Variants in ATP8B4 observed in about 807,000 individuals in gnomAD.
ATP8B4 encodes probable phospholipid-transporting ATPase IM.
In ATP8B4, 133 loss-of-function variants were observed where a neutral mutation model predicts 145.6. The observed-to-expected ratio is 0.91, with a 90% confidence interval of 0.79 to 1.05. ATP8B4 has a LOEUF of 1.05. ATP8B4 is among the 50% of genes least tolerant of loss of function. The pLI is 0.00. For missense variants in ATP8B4, 1,458 were observed against 1,425.2 expected (o/e 1.02, Z -0.37); for synonymous variants, 507 against 492.9 (o/e 1.03, Z -0.38).
At chr15:50,038,638 A>G in intron 6 of ATP8B4, 130 bp downstream of exon 6, 1 of 694,796 alleles carries the variant, frequency 1.4e-6, no homozygotes, top group Non-Finnish European at 2.4e-6. Context: ...ATGGAATTAA[A>G]GTTCAATTTT....
At chr15:49,950,627 AC>A (rs146330475) in intron 14 of ATP8B4, among the ~76,000 whole-genome samples, 30,533 of 137,196 alleles carry the variant, frequency 0.22, 4,385 homozygotes, top group Non-Finnish European at 0.31. Context: ...AACAAAAAAA[AC>A]AACAACAACA....
At chr15:49,972,527 G>C (rs1416939158) in intron 13 of ATP8B4, 55 bp downstream of exon 13, 3 of 1,542,450 alleles carry the variant, frequency 1.9e-6, no homozygotes, top group South Asian at 2.4e-5. Context: ...AATGGGGTCA[G>C]TTATTCAAGA....
At chr15:49,907,100 A>G (rs2038705982) in intron 20 of ATP8B4, among the ~76,000 whole-genome samples, 1 of 152,140 alleles carries the variant, frequency 6.6e-6, no homozygotes, top group African/African-American at 2.4e-5. Flanking sequence ...GCCAACAACA[A>G]CCCTAAGAGA....
chr15:49,945,725 C>T (rs910956770), intron 14 of ATP8B4, among the ~76,000 whole-genome samples: 1 of 152,050 alleles, frequency 6.6e-6, no homozygotes, highest in Non-Finnish European at 1.5e-5. Flanking sequence ...ACCACATTAA[C>T]AGAACAAAGA....
intron 3 of ATP8B4, among the ~76,000 whole-genome samples, chr15:50,070,729 TTGTGTTTTG>T (rs1291377266): frequency 6.6e-6 from 1 of 152,050 alleles, no homozygotes; most frequent in Non-Finnish European, 1.5e-5. Context: ...GTTTTTTGTG[TTGTGTTTTG>T]TTTTGTTTTG....
intron 2 of ATP8B4, among the ~76,000 whole-genome samples, chr15:50,099,357 G>A (rs1413830681): frequency 6.6e-6 from 1 of 151,994 alleles, no homozygotes; most frequent in East Asian, 1.9e-4. Context: ...AGAGCTCACT[G>A]AAGCCTCAAT....
At chr15:50,018,203 G>A (rs2049248254) in intron 6 of ATP8B4, among the ~76,000 whole-genome samples, 3 of 152,088 alleles carry the variant, frequency 2.0e-5, no homozygotes, top group Admixed American at 1.3e-4. Context: ...GGCCAGGCTG[G>A]TCTTGAACTC....
At chr15:50,098,816 G>A (rs924651195) in intron 2 of ATP8B4, among the ~76,000 whole-genome samples, 4 of 152,002 alleles carry the variant, frequency 2.6e-5, no homozygotes, top group Non-Finnish European at 5.9e-5. Context: ...AGAGTGCCTA[G>A]GGCCCATGAT....
chr15:50,096,699 C>G (rs1032357333), intron 2 of ATP8B4, among the ~76,000 whole-genome samples: 1 of 152,164 alleles, frequency 6.6e-6, no homozygotes, highest in Admixed American at 6.6e-5. Context: ...ATATTTATAA[C>G]AAGCAGCAAA....
At chr15:49,940,396 G>A (rs1295068118) in intron 14 of ATP8B4, among the ~76,000 whole-genome samples, 1 of 152,150 alleles carries the variant, frequency 6.6e-6, no homozygotes, top group Non-Finnish European at 1.5e-5. Flanking sequence ...GACTGCTACA[G>A]CAGGGAGGTA....
At chr15:49,861,737 G>A (rs1488114733) in intron 27 of ATP8B4, among the ~76,000 whole-genome samples, 2 of 152,042 alleles carry the variant, frequency 1.3e-5, no homozygotes, top group African/African-American at 4.8e-5. Context: ...TTCCTTCCAA[G>A]TGTACTAATC....
At chr15:49,917,223 GAT>G in intron 19 of ATP8B4, 184 bp from the exon 20 acceptor site, 1 of 545,218 alleles carries the variant, frequency 1.8e-6, no homozygotes, top group East Asian at 3.0e-5. Context: ...TGGGTTTCAG[GAT>G]CAAATTCCCT....
chr15:50,104,532 T>C (rs1005303155), intron 2 of ATP8B4, among the ~76,000 whole-genome samples: 4 of 152,206 alleles, frequency 2.6e-5, no homozygotes, highest in Non-Finnish European at 5.9e-5. Context: ...CACAATGTGA[T>C]ACCACCTCCC....
At chr15:50,169,756 C>T (rs2044644629) in intron 1 of ATP8B4, among the ~76,000 whole-genome samples, 1 of 151,824 alleles carries the variant, frequency 6.6e-6, no homozygotes, top group Non-Finnish European at 1.5e-5. Context: ...AAAGACAAAG[C>T]CCAATGCATG....
At chr15:50,128,974 A>C (rs904416603) in intron 1 of ATP8B4, among the ~76,000 whole-genome samples, 6 of 152,214 alleles carry the variant, frequency 3.9e-5, no homozygotes, top group African/African-American at 1.2e-4. Context: ...AGGCTGAGGC[A>C]GAAGAATCAC....
chr15:50,093,889 A>G (rs1297334905), intron 2 of ATP8B4, among the ~76,000 whole-genome samples: 1 of 152,202 alleles, frequency 6.6e-6, no homozygotes, highest in African/African-American at 2.4e-5. Flanking sequence ...ACTGCTAGAG[A>G]TAGAGTCATC....
At chr15:50,142,513 T>C (rs1363714583) in intron 1 of ATP8B4, among the ~76,000 whole-genome samples, 1 of 152,160 alleles carries the variant, frequency 6.6e-6, no homozygotes, top group African/African-American at 2.4e-5. Flanking sequence ...GGATCTGTTT[T>C]GTATTTTAAT....
At position 50,149,981 on chromosome 15, in the gene ATP8B4, A is replaced by C. The variant is rs1394058039; in HGVS notation, c.-43+32280T>G. ...CCAGGTGTGGTGGAGGGTGCCTGTA[A>C]TCCCAGCTACTCAGGAGGCTGAGGC... On this transcript the variant is annotated intron_variant, in intron 1 of 3. Transcript: ENST00000558829. 3.3e-5 allele frequency among the ~76,000 whole-genome samples: 5 copies of C among 152,022 alleles called. No individual in the cohort carries two copies. The South Asian group carries it at 8.3e-4, about 25-fold the overall frequency.
At position 50,094,727 on chromosome 15, in the gene ATP8B4, T is replaced by C. The variant is rs76977426; in HGVS notation, c.28+12212A>G. 5.3e-3 allele frequency among the ~76,000 whole-genome samples: 618 copies of C among 116,232 alleles called. 3 individuals are homozygous for C. The highest frequency in any genetic ancestry group is 8.3e-3 in the Non-Finnish European group (424 of 51,218). The allele number at this position is 116,232 out of a possible 152,430, so 76.3% of individuals were successfully genotyped here. A position where few individuals can be genotyped will look rare whatever the true frequency, so the allele number is the denominator to read the frequency against. ...ATATATACTACTATATATATATATATACACACACACATATACATTCCGTTT... is the reference window on the plus strand; with the variant it reads ...ATATATACTACTATATATATATATACACACACACACATATACATTCCGTTT... On this transcript the variant is annotated intron_variant, in intron 2 of 27. Coordinates refer to ENST00000284509, the MANE Select transcript of ATP8B4 (RefSeq NM_024837.4).
Sources: gnomAD v4.1 joint callset for allele counts (sites outside exome capture counted in the v4.1 genomes callset) on GRCh38, gnomAD v4.1.1 for gene constraint, MANE v1.5 for transcripts, NCBI Gene and HGNC (gene_info 2026-07-23, HGNC 2026-07-21) for gene names.